The following IGFBP7 variants were observed in gnomAD, a reference collection of about 807,000 sequenced individuals.
IGFBP7 encodes insulin like growth factor binding protein 7.
In IGFBP7, 31 loss-of-function variants were observed where a neutral mutation model predicts 29.4. The ratio of observed to expected loss-of-function variants is 1.05; its 90% CI spans 0.79 to 1.42. The LOEUF (loss-of-function observed/expected upper bound fraction) is 1.42. IGFBP7 is among the 40% of genes most tolerant of loss of function. IGFBP7 has a pLI of 0.00. For missense variants in IGFBP7, 393 were observed against 395.5 expected (o/e 0.99, Z 0.05); for synonymous variants, 172 against 174.9 (o/e 0.98, Z 0.13).
At chr4:57,064,025 G>A (rs887276256) in intron 1 of IGFBP7, among the ~76,000 whole-genome samples, 15 of 152,160 alleles carry the variant, frequency 9.9e-5, no homozygotes, top group South Asian at 2.1e-4. Context: ...GGAGAAGCCC[G>A]AGTGACATTT....
chr4:57,056,173 G>C (rs1045612793), intron 1 of IGFBP7, among the ~76,000 whole-genome samples: 1 of 152,072 alleles, frequency 6.6e-6, no homozygotes, highest in African/African-American at 2.4e-5. Flanking sequence ...GTTTTGTGAT[G>C]TCTAGAGACT....
At chr4:57,043,187 G>A (rs1376537991) in intron 1 of IGFBP7, among the ~76,000 whole-genome samples, 1 of 152,144 alleles carries the variant, frequency 6.6e-6, no homozygotes, top group East Asian at 1.9e-4. Context: ...GAAAGACTTG[G>A]GACCGTCCGC....
chr4:57,046,452 A>G (rs576048301), intron 1 of IGFBP7, among the ~76,000 whole-genome samples: 3 of 152,170 alleles, frequency 2.0e-5, no homozygotes, highest in Non-Finnish European at 4.4e-5. Context: ...GTTTTTAAGA[A>G]TAAAGAAATT....
Position 57,109,968 on chromosome 4 carries a change from C to G in IGFBP7, c.384G>C (p.Pro128=). Residue 128 remains proline, a synonymous_variant, in exon 1 of 5, where the codon CCG becomes CCC. Transcript: ENST00000295666. ...PVCGSDGTTY[P]SGCQLRAASQ... ...TGGCGGCGCGCAGCTGGCAGCCGCT[C>G]GGGTAGGTGGTGCCGTCGCTGCCGC... 2 of 1,548,488 alleles carry G rather than the reference C, an allele frequency of 1.3e-6. No homozygotes were observed. The highest frequency in any genetic ancestry group is 2.4e-5 in the East Asian group (1 of 41,948).
At chr4:57,109,259 AAC>A (rs1726110684) in intron 1 of IGFBP7, among the ~76,000 whole-genome samples, 1 of 151,874 alleles carries the variant, frequency 6.6e-6, no homozygotes, top group Admixed American at 6.6e-5. Flanking sequence ...GTCGCTATAA[AAC>A]AAAACAAAAC....
At chr4:57,038,252 G>T in intron 2 of IGFBP7, among the ~76,000 whole-genome samples, 1 of 152,240 alleles carries the variant, frequency 6.6e-6, no homozygotes, top group East Asian at 1.9e-4. Context: ...TCACAATGCA[G>T]CAGGGAGAAG....
In IGFBP7 at chr4:57,044,324, C is replaced by T. The variant is rs184793698; in HGVS notation, c.476-3391G>A. On this transcript the variant is annotated intron_variant, in intron 1 of 4. Coordinates refer to ENST00000295666, the MANE Select transcript of IGFBP7 (RefSeq NM_001553.3). ...CTTGAAGACATGCTATGGATTTTTC[C>T]CATGGGATTTTAAAACAGATGTTCT... is the stretch of plus-strand genomic sequence containing the variant. Among the ~76,000 whole-genome samples, 52 of 152,284 alleles carry T rather than the reference C, an allele frequency of 3.4e-4. 1 individual carries two copies. The highest frequency in any genetic ancestry group is 2.6e-3 in the Admixed American group (39 of 15,294).
intron 1 of IGFBP7, among the ~76,000 whole-genome samples, chr4:57,094,288 T>C (rs1725708965): frequency 6.6e-6 from 1 of 152,128 alleles, no homozygotes; most frequent in African/African-American, 2.4e-5. Context: ...AGCTAAAAGA[T>C]GGGTGCACTC....
chr4:57,106,199 C>A (rs1726028403), intron 1 of IGFBP7, among the ~76,000 whole-genome samples: 3 of 152,180 alleles, frequency 2.0e-5, no homozygotes, highest in African/African-American at 7.2e-5. Flanking sequence ...AGCCATGGCG[C>A]CTGGCTGCCC....
chr4:57,094,082 C>CT (rs1725700499), intron 1 of IGFBP7, among the ~76,000 whole-genome samples: 2 of 152,098 alleles, frequency 1.3e-5, no homozygotes, highest in Admixed American at 1.3e-4. Flanking sequence ...GAGTCTAACT[C>CT]CCTCTTCTTT....
At chr4:57,041,357 GA>G (rs1323084708) in intron 1 of IGFBP7, among the ~76,000 whole-genome samples, 9 of 151,718 alleles carry the variant, frequency 5.9e-5, no homozygotes, top group East Asian at 1.9e-4. Context: ...GGGTAATGAA[GA>G]AAAAAAATCT....
chr4:57,053,559 T>G (rs1724568365), intron 1 of IGFBP7, among the ~76,000 whole-genome samples: 1 of 152,124 alleles, frequency 6.6e-6, no homozygotes, highest in South Asian at 2.1e-4. Context: ...ATGTGATAGA[T>G]GAGGTAACAT....
chr4:57,058,581 A>G (rs1484894263), intron 1 of IGFBP7, among the ~76,000 whole-genome samples: 1 of 152,192 alleles, frequency 6.6e-6, no homozygotes, highest in East Asian at 1.9e-4. Context: ...TCCTTACACC[A>G]TATGAAAAAA....
At chr4:57,105,054 G>A (rs1010274703) in intron 1 of IGFBP7, among the ~76,000 whole-genome samples, 54 of 152,182 alleles carry the variant, frequency 3.5e-4, no homozygotes, top group African/African-American at 1.2e-3. Context: ...ACAGTCTAGT[G>A]GGGAAGACAG....
At chr4:57,039,065 CAAAAAAA>C (rs71208974) in intron 2 of IGFBP7, among the ~76,000 whole-genome samples, 5 of 106,458 alleles carry the variant, frequency 4.7e-5, no homozygotes, top group African/African-American at 7.3e-5. Flanking sequence ...AACTATGTCT[CAAAAAAA>C]AAAAAAAAAA....
Position 57,062,083 on chromosome 4 carries a change from G to A in IGFBP7, c.476-21150C>T, listed in dbSNP as rs567904285. Among the ~76,000 whole-genome samples, 17 of 152,250 alleles carry A rather than the reference G, an allele frequency of 1.1e-4. No individual in the cohort carries two copies. In the South Asian group the frequency reaches 3.1e-3, roughly 28 times the overall value. ...AGTGGGACTAAGTGTCTTGTGCGAG[G>A]TCACACAGACTGGAAATGGGGTGGG... is the stretch of plus-strand genomic sequence containing the variant. On this transcript the variant is annotated intron_variant, in intron 1 of 4. Transcript: ENST00000295666.
At chr4:57,033,068 G>C (rs1268417894) in intron 3 of IGFBP7, 127 bp downstream of exon 3, 1 of 778,354 alleles carries the variant, frequency 1.3e-6, no homozygotes, top group African/African-American at 1.7e-5. Context: ...CCATGGTAAG[G>C]CTATTCCAAA....
At position 57,057,275 on chromosome 4, in the gene IGFBP7, G is replaced by A. The variant is rs113415527; in HGVS notation, c.476-16342C>T. On this transcript the variant is annotated intron_variant, in intron 1 of 4. Transcript: ENST00000295666. ...TCCCCCTGCCTTGGCCTCCCAAAGCGTTGGGATTACATGTGTGAGCCAGTG... is the reference window on the plus strand; with the variant it reads ...TCCCCCTGCCTTGGCCTCCCAAAGCATTGGGATTACATGTGTGAGCCAGTG... Among the ~76,000 whole-genome samples the A allele has an allele frequency of 3.4e-3, 523 of 152,336 alleles. 1 individual carries two copies. Among genetic ancestry groups the A allele is most frequent in the Middle Eastern group, 6.8e-3 (2 of 294 alleles).
chr4:57,088,747 G>A lies in IGFBP7; in HGVS notation c.475+21130C>T, dbSNP rs528132211. On this transcript the variant is annotated intron_variant, in intron 1 of 4. Coordinates refer to ENST00000295666, the MANE Select transcript of IGFBP7 (RefSeq NM_001553.3). ...CTGAGGTTAAGAGGAGCAACTTGCT[G>A]GCTGGGCACGGTGGCTCACGTCTGT... Among the ~76,000 whole-genome samples the A allele has an allele frequency of 2.6e-5, 4 of 152,194 alleles. No individual in the cohort carries two copies. The South Asian group carries it at 6.2e-4, about 24-fold the overall frequency.
Sources: allele counts gnomAD v4.1 joint callset (sites outside exome capture counted in the v4.1 genomes callset), GRCh38; gene constraint gnomAD v4.1.1; transcripts MANE v1.5; gene names NCBI Gene and HGNC (gene_info 2026-07-23, HGNC 2026-07-21).